Variants in ASB9 observed in about 807,000 individuals in gnomAD.
ASB9 encodes the protein ankyrin repeat and SOCS box containing 9, also known as ankyrin repeat and SOCS box protein 9.
In ASB9, 5 loss-of-function variants were observed where a neutral mutation model predicts 16.6. That is an observed-to-expected ratio of 0.30 (90% confidence interval 0.16 to 0.63). The LOEUF (loss-of-function observed/expected upper bound fraction) is 0.63, where lower values mean the gene tolerates loss of function less well. Ranked by LOEUF, ASB9 falls within the 30% of genes least tolerant of loss-of-function variation. ASB9 has a pLI of 0.82. For synonymous variants in ASB9, 100 were observed against 86.4 expected, an observed-to-expected ratio of 1.16 and a Z score of -0.87; for missense variants, 216 against 229.4, an observed-to-expected ratio of 0.94 and a Z score of 0.38.
intron 1 of ASB9, among the ~76,000 whole-genome samples, chrX:15,263,456 AGGC>A (rs1926134295): frequency 9.0e-6 from 1 of 111,319 alleles, no homozygotes; most frequent in Non-Finnish European, 1.9e-5. Context: ...ACAAACAGAA[AGGC>A]CCACTGAGGC....
At chrX:15,260,661 G>T (rs1437155043) in intron 1 of ASB9, among the ~76,000 whole-genome samples, 2 of 111,815 alleles carry the variant, frequency 1.8e-5, no homozygotes, top group Non-Finnish European at 3.8e-5. Flanking sequence ...ATACAAACAA[G>T]GTAGAAAGGT....
intron 6 of ASB9, 62 bp from the exon 7 acceptor site, chrX:15,244,692 T>TGA (rs1555928268): frequency 2.1e-6 from 2 of 970,423 alleles, no homozygotes; most frequent in Non-Finnish European, 2.7e-6. Context: ...TCCTTTTTTT[T>TGA]AAAAAAAAAA....
At chrX:15,265,036 TTC>T (rs1285967153) in intron 1 of ASB9, among the ~76,000 whole-genome samples, 1 of 112,302 alleles carries the variant, frequency 8.9e-6, no homozygotes, top group Admixed American at 9.4e-5. Flanking sequence ...CTCTTTCTGC[TTC>T]TCTGTCCAAC....
intron 5 of ASB9, among the ~76,000 whole-genome samples, chrX:15,249,366 T>C (rs912511504): frequency 1.8e-5 from 2 of 112,244 alleles, no homozygotes; most frequent in African/African-American, 6.5e-5. Flanking sequence ...AACTGGACAC[T>C]TGGGACTGGT....
At chrX:15,262,034 C>T (rs1359200992) in intron 1 of ASB9, among the ~76,000 whole-genome samples, 2 of 111,533 alleles carry the variant, frequency 1.8e-5, no homozygotes, top group Admixed American at 9.6e-5. Flanking sequence ...TAAATGAAAC[C>T]ATACAGTATG....
intron 3 of ASB9, 67 bp from the exon 4 acceptor site, chrX:15,252,471 C>G (rs12852688): frequency 0.055 from 54,833 of 1,004,835 alleles, 2,806 homozygotes; most frequent in African/African-American, 0.27. Flanking sequence ...TGGGGTCCAC[C>G]ACTCTGAAGA....
At chrX:15,262,741 C>G (rs957552899) in intron 1 of ASB9, among the ~76,000 whole-genome samples, 6 of 112,394 alleles carry the variant, frequency 5.3e-5, no homozygotes, top group African/African-American at 1.9e-4. Context: ...AAGTGGTTCT[C>G]CTGCCTCAGC....
At chrX:15,264,891 G>A (rs1232260308) in intron 1 of ASB9, among the ~76,000 whole-genome samples, 3 of 112,012 alleles carry the variant, frequency 2.7e-5, no homozygotes, top group Non-Finnish European at 5.6e-5. Flanking sequence ...GGTGTAGAAG[G>A]TGAGTAGCAA....
intron 1 of ASB9, among the ~76,000 whole-genome samples, chrX:15,264,002 A>G (rs1210104031): frequency 2.7e-5 from 3 of 111,669 alleles, no homozygotes; most frequent in African/African-American, 9.8e-5. Context: ...CCATAACGAA[A>G]CACCACAAAC....
chrX:15,252,323 G>A lies in ASB9; in HGVS notation c.364C>T (p.Leu122=), dbSNP rs754124141. ...GGTTGAACGCTGGCTCCGTGCTGCAGAAGCAAATTCACACAATCCCAGCTG... is the reference window on the plus strand; with the variant it reads ...GGTTGAACGCTGGCTCCGTGCTGCAAAAGCAAATTCACACAATCCCAGCTG... ...SGSWDCVNLL[L]QHGASVQPES... is the part of the protein sequence containing the mutation. The change falls in exon 4 of 7, where the codon CTG becomes TTG. Residue 122 remains leucine (L), a synonymous_variant. Coordinates refer to ENST00000380488, the MANE Select transcript of ASB9 (RefSeq NM_001031739.3). 1.7e-6 allele frequency: 2 copies of A among 1,211,557 alleles called. No individual in the cohort carries two copies. Among genetic ancestry groups the A allele is most frequent in the Admixed American group, 2.2e-5 (1 of 46,009 alleles).
intron 6 of ASB9, among the ~76,000 whole-genome samples, chrX:15,247,300 G>A (rs906793212): frequency 8.9e-5 from 10 of 111,935 alleles, no homozygotes; most frequent in South Asian, 3.8e-4. Flanking sequence ...TCATAAACTA[G>A]TGGGACCATA....
chrX:15,249,581 G>A (rs865801207), intron 5 of ASB9, among the ~76,000 whole-genome samples: 1 of 112,553 alleles, frequency 8.9e-6, no homozygotes, highest in African/African-American at 3.2e-5. Context: ...TGTGACATGT[G>A]GGAACATGTG....
intron 2 of ASB9, 108 bp from the exon 3 acceptor site, chrX:15,254,952 C>A: frequency 1.8e-6 from 1 of 556,640 alleles, no homozygotes; most frequent in Non-Finnish European, 3.0e-6. Context: ...GGCTCAAAGT[C>A]AGATGTTACA....
At position 15,268,204 on chromosome X, in the gene ASB9, C is replaced by T. The variant is rs185921597; in HGVS notation, c.94+1577G>A. On this transcript the variant is annotated intron_variant, in intron 1 of 6. Transcript: ENST00000380488. ...AAAATTAGCCGGGTGTGGTGGCGGGCGCTTATAATCCCAGCTACTCGGGAG... is the reference window on the plus strand; with the variant it reads ...AAAATTAGCCGGGTGTGGTGGCGGGTGCTTATAATCCCAGCTACTCGGGAG... Among the ~76,000 whole-genome samples the T allele has an allele frequency of 7.2e-4, 77 of 107,686 alleles. No homozygotes were observed. The East Asian group carries it at 0.019, about 27-fold the overall frequency. 93.5% of individuals were successfully genotyped at this position (107,686 alleles called of 115,157 possible). A position where few individuals can be genotyped will look rare whatever the true frequency, so the allele number is the denominator to read the frequency against.
At chrX:15,247,886 A>T (rs1273600088) in intron 6 of ASB9, among the ~76,000 whole-genome samples, 2 of 112,082 alleles carry the variant, frequency 1.8e-5, no homozygotes, top group Non-Finnish European at 3.8e-5. Context: ...GAGTAGGAGG[A>T]AGAAGGATTC....
At chrX:15,254,075 C>T (rs1164838359) in intron 3 of ASB9, among the ~76,000 whole-genome samples, 3 of 111,774 alleles carry the variant, frequency 2.7e-5, no homozygotes, top group Non-Finnish European at 5.6e-5. Context: ...ATAAATCTGG[C>T]AGTGCACTCA....
chrX:15,259,019 T>A lies in ASB9; in HGVS notation c.95-74A>T. 5 of 826,636 alleles carry A rather than the reference T, an allele frequency of 6.0e-6. No individual in the cohort carries two copies. The South Asian group carries it at 1.1e-4, about 18-fold the overall frequency. 68.1% of individuals were successfully genotyped at this position (826,636 alleles called of 1,213,427 possible). A position where few individuals can be genotyped will look rare whatever the true frequency, so the allele number is the denominator to read the frequency against. The stretch of plus-strand genomic sequence containing the variant: ...CCAGAGGCTTATCCTTGCCCATCAA[T>A]AAGAGCCTAACAGGCCCTGGATGGA... On this transcript the variant is annotated intron_variant, in intron 1 of 6. Coordinates refer to ENST00000380488, the MANE Select transcript of ASB9 (RefSeq NM_001031739.3).
intron 3 of ASB9, among the ~76,000 whole-genome samples, chrX:15,253,727 A>C (rs151056342): frequency 0.012 from 1,330 of 112,638 alleles, 12 homozygotes; most frequent in Non-Finnish European, 0.019. Context: ...GTCTAACTTC[A>C]CAGTGTTTGG....
At chrX:15,251,256 A>T (rs1381216603) in intron 4 of ASB9, among the ~76,000 whole-genome samples, 1 of 111,854 alleles carries the variant, frequency 8.9e-6, no homozygotes, top group Non-Finnish European at 1.9e-5. Flanking sequence ...TAAAGGGCAC[A>T]GTGTGGGCCA....
Sources: gnomAD v4.1 joint callset for allele counts (sites outside exome capture counted in the v4.1 genomes callset) on GRCh38, gnomAD v4.1.1 for gene constraint, MANE v1.5 for transcripts, NCBI Gene and HGNC (gene_info 2026-07-23, HGNC 2026-07-21) for gene names.